ANKMY2: variants seen among roughly 807,000 people sequenced by gnomAD.
The protein encoded by ANKMY2 is ankyrin repeat and MYND domain containing 2.
In ANKMY2, 36 loss-of-function variants were observed where a neutral mutation model predicts 50.4. That is an observed-to-expected ratio of 0.71 (90% confidence interval 0.55 to 0.94). The LOEUF (loss-of-function observed/expected upper bound fraction) is 0.94, where lower values mean the gene tolerates loss of function less well. ANKMY2 is among the 40% of genes least tolerant of loss of function. The pLI, the probability that ANKMY2 is intolerant of heterozygous loss-of-function variation, is 0.00. For synonymous variants in ANKMY2, 187 were observed against 178.8 expected (o/e 1.05, Z -0.36); for missense variants, 565 against 524.0 (o/e 1.08, Z -0.76).
At chr7:16,628,108 T>A (rs1203769032) in intron 2 of ANKMY2, among the ~76,000 whole-genome samples, 2 of 152,212 alleles carry the variant, frequency 1.3e-5, no homozygotes, top group South Asian at 4.1e-4. Flanking sequence ...ATTTGGTAGG[T>A]AAATGGATGA....
At chr7:16,620,567 A>G (rs1781419221) in intron 4 of ANKMY2, among the ~76,000 whole-genome samples, 1 of 150,578 alleles carries the variant, frequency 6.6e-6, no homozygotes, top group African/African-American at 2.5e-5. Flanking sequence ...TTGACCAGCC[A>G]ATCACTTTAG....
intron 8 of ANKMY2, 45 bp downstream of exon 8, chr7:16,604,676 C>A: frequency 6.3e-7 from 1 of 1,594,548 alleles, no homozygotes. Context: ...AGCTTGGCTG[C>A]ATCTAAACCA....
At chr7:16,606,052 C>T (rs1052879301) in intron 7 of ANKMY2, among the ~76,000 whole-genome samples, 44 of 151,802 alleles carry the variant, frequency 2.9e-4, no homozygotes, top group Admixed American at 9.2e-4. Flanking sequence ...CTCCTGACCT[C>T]GTGGTTCGCC....
chr7:16,630,462 T>C (rs1487113246), intron 2 of ANKMY2, among the ~76,000 whole-genome samples: 1 of 152,242 alleles, frequency 6.6e-6, no homozygotes, highest in African/African-American at 2.4e-5. Flanking sequence ...TACAATTCTT[T>C]AGATACAATC....
At chr7:16,635,224 G>A (rs948657093) in intron 2 of ANKMY2, among the ~76,000 whole-genome samples, 3 of 152,098 alleles carry the variant, frequency 2.0e-5, no homozygotes, top group African/African-American at 7.2e-5. Context: ...GAATCTCTAT[G>A]CTAAATAAAA....
intron 2 of ANKMY2, among the ~76,000 whole-genome samples, chr7:16,629,518 AGAGT>A (rs1194142280): frequency 1.3e-5 from 2 of 152,130 alleles, no homozygotes; most frequent in East Asian, 3.9e-4. Flanking sequence ...CCTGGGCGAC[AGAGT>A]GAGACTCTGT....
intron 2 of ANKMY2, among the ~76,000 whole-genome samples, chr7:16,629,234 T>G (rs1160443394): frequency 6.6e-6 from 1 of 152,188 alleles, no homozygotes; most frequent in African/African-American, 2.4e-5. Flanking sequence ...AGAGAGTTTC[T>G]TTCCAGAAAG....
At chr7:16,625,177 GT>G in intron 3 of ANKMY2, 96 bp from the exon 4 acceptor site, 1 of 872,908 alleles carries the variant, frequency 1.1e-6, no homozygotes, top group Non-Finnish European at 1.8e-6. Context: ...CCCCCAGTTA[GT>G]TTTAGGTTTC....
intron 2 of ANKMY2, among the ~76,000 whole-genome samples, chr7:16,635,401 G>A (rs1361380372): frequency 6.6e-6 from 1 of 152,060 alleles, no homozygotes; most frequent in East Asian, 1.9e-4. Context: ...AAATCTTTGA[G>A]GTAATGGATA....
chr7:16,618,059 C>T (rs1781383351), intron 4 of ANKMY2, among the ~76,000 whole-genome samples: 1 of 151,714 alleles, frequency 6.6e-6, no homozygotes, highest in African/African-American at 2.4e-5. Context: ...TCCCAAGTAG[C>T]TGAGACTACA....
intron 7 of ANKMY2, among the ~76,000 whole-genome samples, chr7:16,608,870 G>A (rs762529507): frequency 1.2e-4 from 18 of 151,962 alleles, no homozygotes; most frequent in South Asian, 4.1e-4. Context: ...GCGTGGTGGC[G>A]CGCACCTATA....
chr7:16,628,511 G>A (rs1411932129), intron 2 of ANKMY2, among the ~76,000 whole-genome samples: 1 of 151,692 alleles, frequency 6.6e-6, no homozygotes. Flanking sequence ...TTAGTATGCT[G>A]GGAGTGGGTG....
At chr7:16,621,350 T>C (rs1203614886) in intron 4 of ANKMY2, among the ~76,000 whole-genome samples, 3 of 152,308 alleles carry the variant, frequency 2.0e-5, no homozygotes, top group East Asian at 1.9e-4. Flanking sequence ...TACTGTGTAA[T>C]TGGATGGAAA....
Position 16,629,002 on chromosome 7 carries a change from T to C in ANKMY2, c.133-1824A>G, listed in dbSNP as rs573266966. 2.0e-5 allele frequency among the ~76,000 whole-genome samples: 3 copies of C among 152,308 alleles called. No individual in the cohort carries two copies. The East Asian group carries it at 5.8e-4, about 29-fold the overall frequency. ...AATCTGCTTAAGAGCAAAAGAGATA[T>C]GCAAAACTTTTGAATCTCACATCTC... On this transcript the variant is annotated intron_variant, in intron 2 of 9. Coordinates refer to ENST00000306999, the MANE Select transcript of ANKMY2 (RefSeq NM_020319.3).
intron 5 of ANKMY2, among the ~76,000 whole-genome samples, chr7:16,613,053 T>C (rs1781280672): frequency 1.3e-5 from 2 of 152,186 alleles, no homozygotes; most frequent in African/African-American, 4.8e-5. Flanking sequence ...ATCAAAGACA[T>C]GATTGTTCTG....
intron 7 of ANKMY2, among the ~76,000 whole-genome samples, chr7:16,607,032 G>T (rs547988662): frequency 6.6e-6 from 1 of 152,144 alleles, no homozygotes; most frequent in Non-Finnish European, 1.5e-5. Flanking sequence ...CGGGGAAAAG[G>T]TTGGGCATCA....
chr7:16,628,745 T>C (rs1046393539), intron 2 of ANKMY2, among the ~76,000 whole-genome samples: 4 of 152,054 alleles, frequency 2.6e-5, no homozygotes, highest in African/African-American at 2.4e-5. Context: ...CAAACAGCTG[T>C]TTCTTTTGCA....
intron 2 of ANKMY2, among the ~76,000 whole-genome samples, chr7:16,633,586 T>C (rs1781616665): frequency 6.6e-6 from 1 of 152,208 alleles, no homozygotes; most frequent in Non-Finnish European, 1.5e-5. Context: ...GCTTCATTAT[T>C]TGGATTATAT....
chr7:16,607,785 C>T (rs896472475), intron 7 of ANKMY2, among the ~76,000 whole-genome samples: 1 of 149,940 alleles, frequency 6.7e-6, no homozygotes, highest in Non-Finnish European at 1.5e-5. Context: ...TCCCACATAA[C>T]AGGTACTGCT....
Sources: gnomAD v4.1 joint callset for allele counts (sites outside exome capture counted in the v4.1 genomes callset) on GRCh38, gnomAD v4.1.1 for gene constraint, MANE v1.5 for transcripts, NCBI Gene and HGNC (gene_info 2026-07-23, HGNC 2026-07-21) for gene names.